CMIP: variants seen among roughly 807,000 people sequenced by gnomAD.
CMIP encodes C-Maf-inducing protein.
Under a neutral mutation model 97.3 loss-of-function variants are expected in CMIP, and 13 were observed. That is an observed-to-expected ratio of 0.13 (90% CI 0.09 to 0.21). The LOEUF is 0.21. Ranked by LOEUF, CMIP falls within the 10% of genes least tolerant of loss-of-function variation. The pLI is 1.00. For missense variants in CMIP, 847 were observed against 1,024.9 expected (o/e 0.83, Z 2.37); for synonymous variants, 538 against 436.3 (o/e 1.23, Z -2.91).
intron 14 of CMIP, among the ~76,000 whole-genome samples, chr16:81,698,894 A>G (rs1907066600): frequency 6.6e-6 from 1 of 152,202 alleles, no homozygotes; most frequent in African/African-American, 2.4e-5. Context: ...AAGTGTTTCA[A>G]ACATCAGAAC....
intron 1 of CMIP, among the ~76,000 whole-genome samples, chr16:81,577,419 C>G (rs2091212364): frequency 2.0e-5 from 3 of 148,468 alleles, no homozygotes; most frequent in Non-Finnish European, 4.4e-5. Context: ...ATTATTATCA[C>G]TATCACCATC....
In CMIP at chr16:81,594,130, T is replaced by G. The variant is rs537610309; in HGVS notation, c.301-13437T>G. Among the ~76,000 whole-genome samples, 120 of 121,106 alleles carry G rather than the reference T, an allele frequency of 9.9e-4. 1 individual carries two copies. Among genetic ancestry groups the G allele is most frequent in the African/African-American group, 3.6e-3 (117 of 32,362 alleles). The allele number at this position is 121,106 out of a possible 152,430, so 79.5% of individuals were successfully genotyped here. ...CCTCCCCATTCTCCCCCCTCCTCCC[T>G]TTTTTGAGACAAGATCTGGCTCTGT... On this transcript the variant is annotated intron_variant, in intron 1 of 20. Transcript: ENST00000537098.
At chr16:81,568,128 C>T (rs2091017549) in intron 1 of CMIP, among the ~76,000 whole-genome samples, 1 of 148,314 alleles carries the variant, frequency 6.7e-6, no homozygotes, top group Admixed American at 6.9e-5. Context: ...TCCAGAGGGA[C>T]CAGGGCCTTG....
At chr16:81,589,623 C>T (rs1222406653) in intron 1 of CMIP, among the ~76,000 whole-genome samples, 1 of 152,166 alleles carries the variant, frequency 6.6e-6, no homozygotes, top group African/African-American at 2.4e-5. Flanking sequence ...AAGAAAAATC[C>T]CAAAGCAGTC....
intron 18 of CMIP, 52 bp downstream of exon 18, chr16:81,704,137 G>A: frequency 2.0e-6 from 3 of 1,514,034 alleles, no homozygotes; most frequent in East Asian, 2.4e-5. Flanking sequence ...CTTCACCTCT[G>A]CACTCTCCTC....
intron 1 of CMIP, among the ~76,000 whole-genome samples, chr16:81,466,748 C>T (rs946964852): frequency 6.6e-6 from 1 of 152,154 alleles, no homozygotes; most frequent in Non-Finnish European, 1.5e-5. Context: ...CTTAGCACAG[C>T]GCCGTTTCCC....
intron 1 of CMIP, among the ~76,000 whole-genome samples, chr16:81,599,023 G>A (rs552969269): frequency 1.3e-5 from 2 of 151,152 alleles, no homozygotes; most frequent in African/African-American, 2.4e-5. Context: ...TGGCATGGGG[G>A]AAGGTGCAGT....
rs1482235570 is a variant in CMIP, at chr16:81,562,930, C to T, written c.301-44637C>T. Reference sequence around the variant, plus strand: ...CTTGCCCTTGTCTGCTGGGATCTGCCGCGTCCTCGAGCTGAGTAGGATGCA... The same window carrying T: ...CTTGCCCTTGTCTGCTGGGATCTGCTGCGTCCTCGAGCTGAGTAGGATGCA... On this transcript the variant is annotated intron_variant, in intron 1 of 20. Transcript: ENST00000537098. 5.3e-5 allele frequency among the ~76,000 whole-genome samples: 8 copies of T among 152,136 alleles called. No homozygotes were observed. In the East Asian group the frequency reaches 7.7e-4, roughly 15 times the overall value.
intron 1 of CMIP, among the ~76,000 whole-genome samples, chr16:81,549,469 C>A (rs186411521): frequency 2.2e-4 from 33 of 152,272 alleles, no homozygotes; most frequent in Admixed American, 1.8e-3. Flanking sequence ...TCCTTGCTAG[C>A]CCTGGAGTGC....
intron 1 of CMIP, among the ~76,000 whole-genome samples, chr16:81,532,663 T>C (rs1404055614): frequency 6.6e-6 from 1 of 152,140 alleles, no homozygotes; most frequent in Non-Finnish European, 1.5e-5. Flanking sequence ...AGGGAAGAGC[T>C]GTCACCTGGG....
chr16:81,700,304 C>T (rs919468722), intron 15 of CMIP, among the ~76,000 whole-genome samples: 1 of 152,024 alleles, frequency 6.6e-6, no homozygotes, highest in African/African-American at 2.4e-5. Context: ...TGTCCACCTG[C>T]CAAGAACACA....
intron 1 of CMIP, among the ~76,000 whole-genome samples, chr16:81,572,591 G>C (rs369004571): frequency 1.3e-5 from 2 of 152,152 alleles, no homozygotes; most frequent in African/African-American, 4.8e-5. Context: ...TGTTACAGAC[G>C]GGGAGACTGG....
intron 7 of CMIP, among the ~76,000 whole-genome samples, chr16:81,667,547 A>G (rs1361657595): frequency 1.3e-5 from 2 of 152,194 alleles, no homozygotes; most frequent in African/African-American, 2.4e-5. Context: ...CAAAAATCTA[A>G]TAGCTAAGAT....
intron 1 of CMIP, among the ~76,000 whole-genome samples, chr16:81,504,252 G>GGAGGCAGA (rs2089663915): frequency 6.6e-6 from 1 of 151,904 alleles, no homozygotes. Context: ...CTTGAACCCG[G>GGAGGCAGA]GAGGCAGAGG....
chr16:81,679,657 T>C (rs1365004366), intron 10 of CMIP, among the ~76,000 whole-genome samples: 1 of 152,002 alleles, frequency 6.6e-6, no homozygotes, highest in African/African-American at 2.4e-5. Context: ...CCGGGGCTGC[T>C]CTGGGTGGTG....
rs552792276 is a variant in CMIP at position 81,472,283 on chromosome 16, T to C, written c.300+26742T>C. 1.2e-4 allele frequency among the ~76,000 whole-genome samples: 19 copies of C among 152,366 alleles called. No homozygotes were observed. The South Asian group carries it at 3.7e-3, about 30-fold the overall frequency. ...TAGCAGCAGTGTTTATGACCTGGAATTGTGGTCAGGATTCCATGAGAGGAT... is the reference window on the plus strand; with the variant it reads ...TAGCAGCAGTGTTTATGACCTGGAACTGTGGTCAGGATTCCATGAGAGGAT... On this transcript the variant is annotated intron_variant, in intron 1 of 20. Coordinates refer to ENST00000537098, the MANE Select transcript of CMIP (RefSeq NM_198390.3).
At chr16:81,560,053 A>C (rs9940442) in intron 1 of CMIP, among the ~76,000 whole-genome samples, 109,435 of 150,478 alleles carry the variant, frequency 0.73, 40,495 homozygotes, top group Non-Finnish European at 0.8. Flanking sequence ...GAGCCTGAGG[A>C]AGGAGAATCG....
At chr16:81,626,155 C>G (rs939530180) in intron 3 of CMIP, among the ~76,000 whole-genome samples, 11 of 152,224 alleles carry the variant, frequency 7.2e-5, no homozygotes, top group Non-Finnish European at 1.5e-4. Context: ...CTCTGTCCCT[C>G]CTCTGTGGAG....
At chr16:81,586,873 G>A (rs77493401) in intron 1 of CMIP, among the ~76,000 whole-genome samples, 5,076 of 152,262 alleles carry the variant, frequency 0.033, 118 homozygotes, top group Non-Finnish European at 0.049. Context: ...ATTTGCATGG[G>A]TGCTTAAAGT....
Sources: allele counts gnomAD v4.1 joint callset (sites outside exome capture counted in the v4.1 genomes callset), GRCh38; gene constraint gnomAD v4.1.1; transcripts MANE v1.5; gene names NCBI Gene and HGNC (gene_info 2026-07-23, HGNC 2026-07-21).